Variants in CD44 observed in about 807,000 individuals in gnomAD.
CD44 encodes the protein CD44 antigen.
CD44 carries 49 observed loss-of-function variants against 88.8 expected under a neutral mutation model. The ratio of observed to expected loss-of-function variants is 0.55; its 90% CI spans 0.44 to 0.70. The LOEUF is 0.70. Among genes scored for constraint, CD44 ranks in the 30% least tolerant of loss-of-function variants. CD44 has a pLI of 0.00. For missense variants in CD44, 883 were observed against 913.8 expected, an observed-to-expected ratio of 0.97 and a Z score of 0.43; for synonymous variants, 325 against 312.3, an observed-to-expected ratio of 1.04 and a Z score of -0.43.
intron 1 of CD44, among the ~76,000 whole-genome samples, chr11:35,157,034 T>C (rs1941958490): frequency 6.6e-6 from 1 of 152,166 alleles, no homozygotes; most frequent in African/African-American, 2.4e-5. Context: ...ACCCTGTCTC[T>C]ATTAAAAATT....
At chr11:35,202,343 G>T (rs1034714132) in intron 9 of CD44, among the ~76,000 whole-genome samples, 1 of 152,014 alleles carries the variant, frequency 6.6e-6, no homozygotes, top group Admixed American at 6.6e-5. Flanking sequence ...GGTAACTTGG[G>T]GAAGGCTTTG....
chr11:35,210,140 G>T (rs1225991832), intron 13 of CD44, 86 bp downstream of exon 13: 4 of 689,168 alleles, frequency 5.8e-6, no homozygotes, highest in Admixed American at 3.0e-5. Flanking sequence ...TGGTGGAGGT[G>T]CATCCATTAG....
chr11:35,206,194 C>T lies in CD44; in HGVS notation c.1365C>T (p.Asn455=). 1 of 1,612,578 alleles carries T rather than the reference C, an allele frequency of 6.2e-7. No homozygotes were observed. Among genetic ancestry groups the T allele is most frequent in the South Asian group, 1.1e-5 (1 of 90,858 alleles). Residue 455 remains asparagine, a synonymous_variant, in exon 11 of 18, where the codon AAC becomes AAT. Transcript: ENST00000428726. ...PEDSSWTDFF[N]PISHPMGRGH... The stretch of plus-strand genomic sequence containing the variant: ...ACAGTTCCTGGACTGATTTCTTCAA[C>T]CCAATCTCACACCCCATGGGACGAG...
chr11:35,212,253 T>A (rs1018532667), intron 14 of CD44, among the ~76,000 whole-genome samples: 1 of 152,180 alleles, frequency 6.6e-6, no homozygotes, highest in African/African-American at 2.4e-5. Flanking sequence ...GATTCTGTCT[T>A]CCTAGTACTA....
chr11:35,159,094 C>T (rs963990560), intron 1 of CD44, among the ~76,000 whole-genome samples: 1 of 152,200 alleles, frequency 6.6e-6, no homozygotes, highest in Non-Finnish European at 1.5e-5. Context: ...GAGTAGCTTC[C>T]TTTTCATTCT....
At chr11:35,193,530 G>A (rs533058569) in intron 5 of CD44, among the ~76,000 whole-genome samples, 1 of 152,286 alleles carries the variant, frequency 6.6e-6, no homozygotes, top group East Asian at 1.9e-4. Flanking sequence ...TGTATATGTA[G>A]CATCACTTTT....
At chr11:35,205,930 C>T in intron 10 of CD44, 182 bp from the exon 11 acceptor site, 1 of 1,252,940 alleles carries the variant, frequency 8.0e-7, no homozygotes, top group Non-Finnish European at 1.0e-6. Flanking sequence ...AGAAAATGAG[C>T]ATGAGTGAAC....
At chr11:35,161,549 G>A (rs1044331400) in intron 1 of CD44, among the ~76,000 whole-genome samples, 13 of 152,334 alleles carry the variant, frequency 8.5e-5, no homozygotes, top group Non-Finnish European at 1.3e-4. Flanking sequence ...ACACATCACA[G>A]TTGCACTCTG....
At chr11:35,197,912 TCA>T (rs1946922370) in intron 6 of CD44, 1 of 500,970 alleles carries the variant, frequency 2.0e-6, no homozygotes, top group Non-Finnish European at 3.5e-6. Flanking sequence ...AAGAGAATAT[TCA>T]GTTTTAAAGA....
chr11:35,198,444 T>A, intron 7 of CD44, 198 bp downstream of exon 7: 1 of 537,336 alleles, frequency 1.9e-6, no homozygotes. Flanking sequence ...TCTCACAAAA[T>A]TTCTCTTGTC....
intron 1 of CD44, among the ~76,000 whole-genome samples, chr11:35,142,717 T>C (rs889587294): frequency 1.3e-5 from 2 of 152,210 alleles, no homozygotes; most frequent in African/African-American, 4.8e-5. Flanking sequence ...AGTCCTTGTG[T>C]GGGAGGCTGG....
At chr11:35,193,699 G>A (rs1202222621) in intron 5 of CD44, among the ~76,000 whole-genome samples, 7 of 152,226 alleles carry the variant, frequency 4.6e-5, no homozygotes, top group South Asian at 2.1e-4. Flanking sequence ...CTTGAGAGTC[G>A]AATGAGAGAT....
chr11:35,144,350 CGT>C (rs1381299039), intron 1 of CD44, among the ~76,000 whole-genome samples: 4 of 152,156 alleles, frequency 2.6e-5, no homozygotes, highest in Non-Finnish European at 5.9e-5. Context: ...TACCAGGCAC[CGT>C]GTAGTTTTCA....
intron 16 of CD44, among the ~76,000 whole-genome samples, chr11:35,220,105 G>T (rs1949165833): frequency 6.6e-6 from 1 of 152,206 alleles, no homozygotes; most frequent in South Asian, 2.1e-4. Context: ...GAGGTCTCCA[G>T]ACTGAGCCTC....
chr11:35,221,936 A>G (rs780126874), intron 17 of CD44, among the ~76,000 whole-genome samples: 45 of 152,212 alleles, frequency 3.0e-4, no homozygotes, highest in Non-Finnish European at 5.3e-4. Context: ...ATTCATGTGC[A>G]TGGTGCAGCT....
rs1018921889 is a variant in CD44 at position 35,215,021 on chromosome 11, T to C, written c.1873+107T>C. On this transcript the variant is annotated intron_variant, in intron 15 of 17. Coordinates refer to ENST00000428726, the MANE Select transcript of CD44 (RefSeq NM_000610.4). ...CTCCAGAGAAGTGGTTCTCAAACCT[T>C]CTTAGCATACATCACAATTGCAGGG... 1.1e-5 allele frequency: 6 copies of C among 567,894 alleles called. No homozygotes were observed. The East Asian group carries it at 1.6e-4, about 16-fold the overall frequency. 35.2% of individuals were successfully genotyped at this position (567,894 alleles called of 1,614,324 possible).
chr11:35,148,996 A>G (rs1859769617), intron 1 of CD44, among the ~76,000 whole-genome samples: 1 of 152,046 alleles, frequency 6.6e-6, no homozygotes, highest in East Asian at 1.9e-4. Context: ...GTCTAAAGAG[A>G]TCTTTCTTGA....
intron 1 of CD44, among the ~76,000 whole-genome samples, chr11:35,153,821 C>T (rs1322272898): frequency 6.6e-6 from 1 of 152,226 alleles, no homozygotes; most frequent in Middle Eastern, 3.2e-3. Flanking sequence ...ATAGCAGTAA[C>T]CATGTCTCCA....
chr11:35,147,916 C>T (rs1169299962), intron 1 of CD44, among the ~76,000 whole-genome samples: 1 of 152,006 alleles, frequency 6.6e-6, no homozygotes, highest in African/African-American at 2.4e-5. Context: ...TGGAGAAACC[C>T]CGTCTCTACT....
Sources: allele counts gnomAD v4.1 joint callset (sites outside exome capture counted in the v4.1 genomes callset), GRCh38; gene constraint gnomAD v4.1.1; transcripts MANE v1.5; gene names NCBI Gene and HGNC (gene_info 2026-07-23, HGNC 2026-07-21).